The following ATXN7L1 variants were observed in gnomAD, a reference collection of about 807,000 sequenced individuals.
ATXN7L1 encodes ataxin 7 like 1.
A neutral mutation model predicts 70.8 loss-of-function variants in ATXN7L1; 15 were observed. That is an observed-to-expected ratio of 0.21 (90% CI 0.14 to 0.33). ATXN7L1 has a LOEUF of 0.33. Among genes scored for constraint, ATXN7L1 ranks in the 10% least tolerant of loss-of-function variants. ATXN7L1 has a pLI of 1.00. For synonymous variants in ATXN7L1, 440 were observed against 445.1 expected (o/e 0.99, Z 0.14); for missense variants, 975 against 1,097.1 (o/e 0.89, Z 1.57).
At chr7:105,866,478 C>T (rs188266837) in intron 2 of ATXN7L1, among the ~76,000 whole-genome samples, 317 of 152,222 alleles carry the variant, frequency 2.1e-3, no homozygotes, top group Middle Eastern at 3.4e-3. Flanking sequence ...CACTTATAGA[C>T]GACTAGGGCA....
intron 4 of ATXN7L1, among the ~76,000 whole-genome samples, chr7:105,655,238 G>A (rs987675678): frequency 2.0e-5 from 3 of 152,106 alleles, no homozygotes; most frequent in Non-Finnish European, 2.9e-5. Flanking sequence ...AAATTCCCAC[G>A]GCCTCCCTGT....
At chr7:105,732,728 A>C (rs563404505) in intron 3 of ATXN7L1, among the ~76,000 whole-genome samples, 1 of 152,228 alleles carries the variant, frequency 6.6e-6, no homozygotes, top group Admixed American at 6.5e-5. Flanking sequence ...AGATGGCAGC[A>C]GTAGCTTTGG....
At chr7:105,740,299 T>C in intron 3 of ATXN7L1, among the ~76,000 whole-genome samples, 1 of 152,124 alleles carries the variant, frequency 6.6e-6, no homozygotes, top group East Asian at 1.9e-4. Context: ...AAAGGGACAC[T>C]GGTTGGGAAA....
intron 3 of ATXN7L1, among the ~76,000 whole-genome samples, chr7:105,672,724 C>T (rs1803960222): frequency 6.6e-6 from 1 of 152,100 alleles, no homozygotes; most frequent in East Asian, 1.9e-4. Flanking sequence ...TCTGAAAGAG[C>T]CAGCGGGACC....
chr7:105,859,899 C>T (rs1217198229), intron 2 of ATXN7L1, among the ~76,000 whole-genome samples: 1 of 149,906 alleles, frequency 6.7e-6, no homozygotes, highest in Non-Finnish European at 1.5e-5. Flanking sequence ...TCTCCCACCT[C>T]GGCCTCCCAA....
In ATXN7L1 at chr7:105,855,204, C is replaced by T. The variant is rs190685881; in HGVS notation, c.250+20608G>A. Among the ~76,000 whole-genome samples, 617 of 152,296 alleles carry T rather than the reference C, an allele frequency of 4.1e-3. 19 individuals are homozygous for T. Among genetic ancestry groups the T allele is most frequent in the East Asian group, 1.2e-3 (6 of 5,192 alleles). On this transcript the variant is annotated intron_variant, in intron 2 of 11. Transcript: ENST00000419735. ...TCTTGGCCTCGTGATCCGTCCGCCTCGGCCTCCCAAAGTGCTGGGATCACA... is the reference window on the plus strand; with the variant it reads ...TCTTGGCCTCGTGATCCGTCCGCCTTGGCCTCCCAAAGTGCTGGGATCACA...
At chr7:105,615,243 G>A (rs1450580928) in intron 9 of ATXN7L1, among the ~76,000 whole-genome samples, 1 of 152,128 alleles carries the variant, frequency 6.6e-6, no homozygotes, top group East Asian at 1.9e-4. Flanking sequence ...CTGGTTGCAA[G>A]TAAGAAATGT....
chr7:105,711,091 C>T (rs1376910562), intron 3 of ATXN7L1, among the ~76,000 whole-genome samples: 1 of 152,166 alleles, frequency 6.6e-6, no homozygotes, highest in Non-Finnish European at 1.5e-5. Flanking sequence ...ACTGGTCCTG[C>T]CCTTGACATG....
intron 7 of ATXN7L1, 136 bp downstream of exon 7, chr7:105,638,217 A>T: frequency 8.1e-7 from 1 of 1,241,084 alleles, no homozygotes; most frequent in Non-Finnish European, 1.1e-6. Context: ...TATCTCATTT[A>T]AACTTTACTA....
chr7:105,770,584 G>A (rs1030472981), intron 3 of ATXN7L1, among the ~76,000 whole-genome samples: 1 of 152,134 alleles, frequency 6.6e-6, no homozygotes, highest in Non-Finnish European at 1.5e-5. Context: ...GACCTCAAGA[G>A]GGACAGCAGA....
At chr7:105,778,892 CCTT>C (rs1226545718) in intron 3 of ATXN7L1, among the ~76,000 whole-genome samples, 1 of 152,214 alleles carries the variant, frequency 6.6e-6, no homozygotes, top group African/African-American at 2.4e-5. Flanking sequence ...ATTTATTTCT[CCTT>C]CTCCCTTACC....
At chr7:105,654,678 A>G (rs1186257541) in intron 4 of ATXN7L1, among the ~76,000 whole-genome samples, 1 of 152,060 alleles carries the variant, frequency 6.6e-6, no homozygotes, top group Non-Finnish European at 1.5e-5. Context: ...AATCATAATG[A>G]GCTATGCAGC....
At chr7:105,736,469 G>T (rs901435776) in intron 3 of ATXN7L1, among the ~76,000 whole-genome samples, 2 of 152,174 alleles carry the variant, frequency 1.3e-5, no homozygotes, top group African/African-American at 4.8e-5. Context: ...GTTTGTTCCT[G>T]GCTAGGTCTC....
intron 2 of ATXN7L1, among the ~76,000 whole-genome samples, chr7:105,837,501 G>A (rs1812565673): frequency 6.6e-6 from 1 of 151,942 alleles, no homozygotes; most frequent in South Asian, 2.1e-4. Context: ...ATGAAGGGTT[G>A]GAAGGATATA....
At chr7:105,716,040 G>A (rs1220467598) in intron 3 of ATXN7L1, among the ~76,000 whole-genome samples, 1 of 152,108 alleles carries the variant, frequency 6.6e-6, no homozygotes, top group Non-Finnish European at 1.5e-5. Context: ...AAGAGATGGT[G>A]TTGGAGAAGA....
chr7:105,726,828 TA>T (rs1004972015), intron 3 of ATXN7L1, among the ~76,000 whole-genome samples: 2 of 152,208 alleles, frequency 1.3e-5, no homozygotes, highest in Admixed American at 6.5e-5. Context: ...GGAGTTCCTG[TA>T]GCTTCATACA....
chr7:105,785,650 A>G (rs577830668), intron 3 of ATXN7L1, among the ~76,000 whole-genome samples: 1 of 152,274 alleles, frequency 6.6e-6, no homozygotes, highest in South Asian at 2.1e-4. Context: ...GCAAATTCCT[A>G]TGTTGAAATC....
intron 2 of ATXN7L1, among the ~76,000 whole-genome samples, chr7:105,861,823 G>A (rs1180217210): frequency 6.6e-6 from 1 of 152,206 alleles, no homozygotes; most frequent in Non-Finnish European, 1.5e-5. Context: ...TTTTCAAAAA[G>A]CTGTAGGGTT....
rs1799068568 is a variant in ATXN7L1 at position 105,750,418 on chromosome 7, G to A, written c.355+38186C>T. On this transcript the variant is annotated intron_variant, in intron 3 of 11. Transcript: ENST00000419735. ...AGTTTCTTGAGTAGCTAGGACTACA[G>A]GCACGTGTCACCACACCTGGCTAAT... Among the ~76,000 whole-genome samples, 14 of 151,774 alleles carry A rather than the reference G, an allele frequency of 9.2e-5. No individual in the cohort carries two copies. The South Asian group carries it at 2.9e-3, about 32-fold the overall frequency.
Sources: gnomAD v4.1 joint callset for allele counts (sites outside exome capture counted in the v4.1 genomes callset) on GRCh38, gnomAD v4.1.1 for gene constraint, MANE v1.5 for transcripts, NCBI Gene and HGNC (gene_info 2026-07-23, HGNC 2026-07-21) for gene names.